Variants in TANGO6 observed in about 807,000 individuals in gnomAD.
TANGO6 encodes the protein transport and golgi organization 6 homolog, also known as transport and Golgi organization protein 6 homolog.
Under a neutral mutation model 114.2 loss-of-function variants are expected in TANGO6, and 90 were observed. The observed-to-expected ratio is 0.79, with a 90% CI of 0.66 to 0.94. TANGO6 has a LOEUF of 0.94. Ranked by LOEUF, TANGO6 falls within the 40% of genes least tolerant of loss-of-function variation. TANGO6 has a pLI of 0.00. For missense variants in TANGO6, 1,274 were observed against 1,315.3 expected, an observed-to-expected ratio of 0.97 and a Z score of 0.49; for synonymous variants, 477 against 509.8, an observed-to-expected ratio of 0.94 and a Z score of 0.87.
At chr16:68,980,435 A>ATTTTTTT (rs1291932299) in intron 15 of TANGO6, among the ~76,000 whole-genome samples, 24 of 61,776 alleles carry the variant, frequency 3.9e-4, no homozygotes, top group African/African-American at 7.9e-4. Flanking sequence ...ATATATATAT[A>ATTTTTTT]TTTTTTTTTT....
chr16:68,947,546 C>T (rs1270299196), intron 14 of TANGO6, among the ~76,000 whole-genome samples: 2 of 149,068 alleles, frequency 1.3e-5, no homozygotes, highest in Non-Finnish European at 3.0e-5. Context: ...ATTCTGTCAA[C>T]AAGCCTGAAA....
chr16:68,980,726 G>A (rs1252733143), intron 15 of TANGO6, among the ~76,000 whole-genome samples: 1 of 151,942 alleles, frequency 6.6e-6, no homozygotes. Flanking sequence ...TGTGGAAGGA[G>A]GCTAGGCGAG....
intron 1 of TANGO6, among the ~76,000 whole-genome samples, chr16:68,844,071 G>A (rs1270193651): frequency 6.6e-6 from 1 of 152,166 alleles, no homozygotes; most frequent in African/African-American, 2.4e-5. Flanking sequence ...ACGTAGAAAT[G>A]TGAGGTCCTA....
intron 16 of TANGO6, among the ~76,000 whole-genome samples, chr16:69,033,073 C>G (rs1959625661): frequency 6.6e-6 from 1 of 151,732 alleles, no homozygotes; most frequent in African/African-American, 2.4e-5. Context: ...GTAATCCCAG[C>G]TACTCGGGAG....
intron 14 of TANGO6, chr16:68,933,762 G>A (rs183987433): frequency 2.0e-4 from 31 of 152,294 alleles, no homozygotes; most frequent in African/African-American, 6.3e-4. Context: ...AAAAGTCAAG[G>A]GATAGAGAAA....
intron 1 of TANGO6, 64 bp from the exon 2 acceptor site, chr16:68,859,820 C>A: frequency 6.8e-7 from 1 of 1,474,602 alleles, no homozygotes; most frequent in Non-Finnish European, 9.0e-7. Context: ...GCAGGGCATT[C>A]CACAGGGGGA....
At chr16:68,910,121 T>C (rs1260891748) in intron 11 of TANGO6, among the ~76,000 whole-genome samples, 1 of 152,198 alleles carries the variant, frequency 6.6e-6, no homozygotes, top group African/African-American at 2.4e-5. Context: ...GTAGCTTGGT[T>C]GGTCAATAGG....
At chr16:68,847,784 G>A (rs1205543927) in intron 1 of TANGO6, among the ~76,000 whole-genome samples, 1 of 152,044 alleles carries the variant, frequency 6.6e-6, no homozygotes, top group Non-Finnish European at 1.5e-5. Context: ...TGGATCTCCC[G>A]AGGTCAGGAG....
intron 14 of TANGO6, among the ~76,000 whole-genome samples, chr16:68,951,356 A>G (rs1455501535): frequency 2.6e-5 from 4 of 151,762 alleles, no homozygotes; most frequent in Non-Finnish European, 4.4e-5. Context: ...GGGCAAATAT[A>G]AAGTATAACA....
At chr16:69,051,627 G>A (rs1959949823) in intron 17 of TANGO6, among the ~76,000 whole-genome samples, 1 of 152,176 alleles carries the variant, frequency 6.6e-6, no homozygotes, top group Non-Finnish European at 1.5e-5. Flanking sequence ...AGGTTGCAGT[G>A]AGCTGAGATT....
At chr16:69,016,701 C>G (rs1959304525) in intron 15 of TANGO6, among the ~76,000 whole-genome samples, 1 of 151,634 alleles carries the variant, frequency 6.6e-6, no homozygotes, top group Admixed American at 6.6e-5. Context: ...GAGTCTCTAC[C>G]CAGGCTGGAG....
intron 15 of TANGO6, among the ~76,000 whole-genome samples, chr16:68,993,683 G>A (rs1022603623): frequency 2.6e-5 from 4 of 152,144 alleles, no homozygotes; most frequent in African/African-American, 7.2e-5. Flanking sequence ...CCAACTCTTG[G>A]TCATGCTTTA....
chr16:68,936,974 G>C (rs1430406045), intron 14 of TANGO6, among the ~76,000 whole-genome samples: 1 of 152,192 alleles, frequency 6.6e-6, no homozygotes, highest in Non-Finnish European at 1.5e-5. Flanking sequence ...CAAAAGAGCT[G>C]AGTGGAGGGA....
chr16:69,020,556 C>T (rs761677706), intron 15 of TANGO6, among the ~76,000 whole-genome samples: 20 of 152,080 alleles, frequency 1.3e-4, no homozygotes, highest in Non-Finnish European at 2.5e-4. Context: ...AAGAAAGTGG[C>T]ATTTGAACTG....
chr16:69,046,610 G>A (rs1405650347), intron 17 of TANGO6, among the ~76,000 whole-genome samples: 11 of 151,918 alleles, frequency 7.2e-5, no homozygotes, highest in Admixed American at 2.0e-4. Context: ...ATGAGCCACC[G>A]CACCTGGCCA....
intron 14 of TANGO6, among the ~76,000 whole-genome samples, chr16:68,934,532 G>T (rs894658558): frequency 1.3e-5 from 2 of 152,176 alleles, no homozygotes; most frequent in Non-Finnish European, 2.9e-5. Context: ...TTTCAAGAGA[G>T]AAAGTAATTA....
intron 12 of TANGO6, among the ~76,000 whole-genome samples, chr16:68,923,299 C>T (rs1233388632): frequency 6.6e-6 from 1 of 152,046 alleles, no homozygotes; most frequent in Non-Finnish European, 1.5e-5. Context: ...TGCTCAGACT[C>T]TTTGGCAGAA....
chr16:68,963,120 G>C (rs1240132485), intron 14 of TANGO6, among the ~76,000 whole-genome samples: 1 of 148,818 alleles, frequency 6.7e-6, no homozygotes, highest in Non-Finnish European at 1.5e-5. Context: ...TTGTCCTTGT[G>C]CTTTTTTTTT....
intron 15 of TANGO6, among the ~76,000 whole-genome samples, chr16:69,008,209 C>A (rs1181417056): frequency 6.6e-6 from 1 of 152,032 alleles, no homozygotes; most frequent in African/African-American, 2.4e-5. Flanking sequence ...TTTCCATATG[C>A]TCCCTCCCCA....
Sources: allele counts gnomAD v4.1 joint callset (sites outside exome capture counted in the v4.1 genomes callset), GRCh38; gene constraint gnomAD v4.1.1; transcripts MANE v1.5; gene names NCBI Gene and HGNC (gene_info 2026-07-23, HGNC 2026-07-21).